CNTNAP3: variants seen among roughly 807,000 people sequenced by gnomAD.
The protein encoded by CNTNAP3 is contactin associated protein family member 3.
Under a neutral mutation model 92.1 loss-of-function variants are expected in CNTNAP3, and 36 were observed. The observed-to-expected ratio is 0.39, with a 90% CI of 0.30 to 0.52. The LOEUF (loss-of-function observed/expected upper bound fraction) is 0.52. Ranked by LOEUF, CNTNAP3 falls within the 20% of genes least tolerant of loss-of-function variation. The probability of loss-of-function intolerance (pLI) is 0.76; values close to 1 mark genes in which losing one functional copy is unlikely to be tolerated. For synonymous variants in CNTNAP3, 232 were observed against 422.3 expected (o/e 0.55, Z 5.53); for missense variants, 534 against 1,069.6 (o/e 0.50, Z 6.98).
At chr9:39,120,532 T>C (rs1458008606) in intron 13 of CNTNAP3, among the ~76,000 whole-genome samples, 1 of 151,874 alleles carries the variant, frequency 6.6e-6, no homozygotes, top group Non-Finnish European at 1.5e-5. Context: ...TAGACGAGCG[T>C]AGTGGCGGGA....
chr9:39,162,998 G>A (rs115390134), intron 9 of CNTNAP3, among the ~76,000 whole-genome samples: 998 of 77,784 alleles, frequency 0.013, 46 homozygotes, highest in African/African-American at 0.059. Context: ...GAAGCAACAC[G>A]TATTTTCTGA....
chr9:39,071,736 G>T lies in CNTNAP3; in HGVS notation c.*2154C>A, dbSNP rs1210536252. 6.9e-6 allele frequency among the ~76,000 whole-genome samples: 1 copy of T among 145,302 alleles called. No individual in the cohort carries two copies. The highest frequency in any genetic ancestry group is 1.5e-5 in the Non-Finnish European group (1 of 66,838). On this transcript the variant is annotated 3_prime_UTR_variant, in exon 24 of 24. Coordinates refer to ENST00000297668, the MANE Select transcript of CNTNAP3 (RefSeq NM_033655.5). ...AGAAGTTTAAATATATATATTCATA[G>T]ATATTTTTACATCTAGCAATCAGTA...
chr9:39,115,203 G>A (rs368199940), intron 14 of CNTNAP3, among the ~76,000 whole-genome samples: 2,199 of 150,700 alleles, frequency 0.015, 53 homozygotes, highest in African/African-American at 0.05. Context: ...CCCCATTAAC[G>A]GACATATGCC....
rs570454697 is a variant in CNTNAP3 at position 39,118,765 on chromosome 9, T to C, written c.2081-506A>G. Among the ~76,000 whole-genome samples the C allele has an allele frequency of 1.6e-3, 240 of 152,384 alleles. 2 individuals are homozygous for C. In the South Asian group the frequency reaches 0.048, roughly 31 times the overall value. On this transcript the variant is annotated intron_variant, in intron 13 of 23. Coordinates refer to ENST00000297668, the MANE Select transcript of CNTNAP3 (RefSeq NM_033655.5). ...TAATTTTTGGAGGTATTTGTTTTTATTGCATTGGATGTCCTGACTCTTTAT... is the reference window on the plus strand; with the variant it reads ...TAATTTTTGGAGGTATTTGTTTTTACTGCATTGGATGTCCTGACTCTTTAT...
Position 39,272,854 on chromosome 9 carries a change from T to C in CNTNAP3, c.86-5848A>G, listed in dbSNP as rs1469034295. 1.3e-4 allele frequency among the ~76,000 whole-genome samples: 4 copies of C among 31,172 alleles called. 2 individuals are homozygous for C. The highest frequency in any genetic ancestry group is 2.5e-4 in the African/African-American group (4 of 15,954). The allele number at this position is 31,172 out of a possible 152,430, so 20.5% of individuals were successfully genotyped here. On this transcript the variant is annotated intron_variant, in intron 1 of 23. Transcript: ENST00000297668. Reference sequence around the variant, plus strand: ...TTTTTAAATAACTTAAAGAGTGTAATTGGATTGTTTGCAACTCAAAGGATA... The same window carrying C: ...TTTTTAAATAACTTAAAGAGTGTAACTGGATTGTTTGCAACTCAAAGGATA...
chr9:39,149,513 C>T (rs1042842213), intron 10 of CNTNAP3, among the ~76,000 whole-genome samples: 2 of 125,882 alleles, frequency 1.6e-5, no homozygotes, highest in African/African-American at 3.4e-5. Flanking sequence ...CCACGCCTGG[C>T]TAATTTTTTT....
intron 13 of CNTNAP3, among the ~76,000 whole-genome samples, chr9:39,124,502 T>C (rs1331832968): frequency 1.3e-5 from 2 of 152,034 alleles, no homozygotes; most frequent in African/African-American, 4.8e-5. Context: ...AAAGCCAAAA[T>C]TGACAAATGG....
At chr9:39,142,589 G>A (rs372426156) in intron 11 of CNTNAP3, among the ~76,000 whole-genome samples, 26 of 151,182 alleles carry the variant, frequency 1.7e-4, no homozygotes, top group Middle Eastern at 3.4e-3. Context: ...GGAGAATGGC[G>A]TGAACCCGGG....
chr9:39,078,200 C>T (rs1825830793), intron 23 of CNTNAP3, 185 bp downstream of exon 23: 1 of 1,289,704 alleles, frequency 7.8e-7, no homozygotes, highest in East Asian at 2.6e-5. Context: ...GCGTGAGGCT[C>T]TTGTCTCAAA....
intron 15 of CNTNAP3, 80 bp from the exon 16 acceptor site, chr9:39,103,994 T>C: frequency 1.3e-5 from 19 of 1,502,042 alleles, no homozygotes; most frequent in Non-Finnish European, 1.7e-5. Flanking sequence ...CTTACAGGAT[T>C]ATGACTGCTA....
rs545311541 is a variant in CNTNAP3 at position 39,080,799 on chromosome 9, C to T, written c.3443-1879G>A. 2.9e-5 allele frequency among the ~76,000 whole-genome samples: 4 copies of T among 137,314 alleles called. No homozygotes were observed. In the East Asian group the frequency reaches 9.7e-4, roughly 33 times the overall value. 90.1% of individuals were successfully genotyped at this position (137,314 alleles called of 152,430 possible). On this transcript the variant is annotated intron_variant, in intron 21 of 23. Transcript: ENST00000297668. Reference sequence around the variant, plus strand: ...GCCTCAGCCTCCCAAGTAGTTGGGACTACAGGCATGCACCACCACACCCAG... The same window carrying T: ...GCCTCAGCCTCCCAAGTAGTTGGGATTACAGGCATGCACCACCACACCCAG...
intron 23 of CNTNAP3, among the ~76,000 whole-genome samples, chr9:39,076,281 GA>G (rs570336404): frequency 0.031 from 4,438 of 141,466 alleles, no homozygotes; most frequent in Admixed American, 0.073. Context: ...GTAGGACTTG[GA>G]AACCTAGCGT....
intron 15 of CNTNAP3, among the ~76,000 whole-genome samples, chr9:39,107,312 G>GGGAAGGAA (rs772485564): frequency 5.3e-5 from 8 of 150,644 alleles, no homozygotes; most frequent in Non-Finnish European, 1.0e-4. Flanking sequence ...GGAGGGAGTG[G>GGGAAGGAA]GGAAGGAAGG....
chr9:39,134,983 T>C (rs117022477), intron 12 of CNTNAP3, among the ~76,000 whole-genome samples: 3,201 of 152,280 alleles, frequency 0.021, 55 homozygotes, highest in Middle Eastern at 0.054. Context: ...ATGGTTAAGA[T>C]GTGATCACAG....
intron 23 of CNTNAP3, among the ~76,000 whole-genome samples, chr9:39,077,570 A>ACAAG (rs1186558771): frequency 1.4e-4 from 8 of 57,670 alleles, no homozygotes; most frequent in Non-Finnish European, 2.4e-4. Context: ...AAACAAACAA[A>ACAAG]CAAACAAACA....
chr9:39,113,887 T>C (rs1820778001), intron 14 of CNTNAP3, among the ~76,000 whole-genome samples: 1 of 151,710 alleles, frequency 6.6e-6, no homozygotes, highest in South Asian at 2.1e-4. Context: ...CACTTACTCA[T>C]TCCCAAAAAT....
In CNTNAP3 at chr9:39,068,427, AAAATTAAATT is replaced by A. The variant is rs769603246; in HGVS notation, c.*5453_*5462del. Among the ~76,000 whole-genome samples, 1 of 121,328 alleles carries A rather than the reference AAAATTAAATT, an allele frequency of 8.2e-6. No individual in the cohort carries two copies. Among genetic ancestry groups the A allele is most frequent in the Non-Finnish European group, 1.8e-5 (1 of 57,070 alleles). The allele number at this position is 121,328 out of a possible 152,430, so 79.6% of individuals were successfully genotyped here. A position where few individuals can be genotyped will look rare whatever the true frequency, so the allele number is the denominator to read the frequency against. ...CAAGACTCCGTCTCAAAAATAAAAT[AAAATTAAATT>A]AAATTAAATAAAAATTAAAAAATTC... On this transcript the variant is annotated 3_prime_UTR_variant, in exon 24 of 24. Coordinates refer to ENST00000297668, the MANE Select transcript of CNTNAP3 (RefSeq NM_033655.5).
intron 10 of CNTNAP3, among the ~76,000 whole-genome samples, chr9:39,147,625 G>A (rs1228301067): frequency 6.6e-6 from 1 of 152,194 alleles, no homozygotes; most frequent in Non-Finnish European, 1.5e-5. Flanking sequence ...CATGACTGAA[G>A]TTTAAGTGTG....
chr9:39,133,599 TA>T (rs1821358582), intron 12 of CNTNAP3, among the ~76,000 whole-genome samples: 1 of 152,042 alleles, frequency 6.6e-6, no homozygotes, highest in Admixed American at 6.6e-5. Context: ...GCAGCTCTAT[TA>T]AAATAAAGTG....
Sources: allele counts gnomAD v4.1 joint callset (sites outside exome capture counted in the v4.1 genomes callset), GRCh38; gene constraint gnomAD v4.1.1; transcripts MANE v1.5; gene names NCBI Gene and HGNC (gene_info 2026-07-23, HGNC 2026-07-21).